PLCD3: variants seen among roughly 807,000 people sequenced by gnomAD.
The protein encoded by PLCD3 is 1-phosphatidylinositol 4,5-bisphosphate phosphodiesterase delta-3.
PLCD3 carries 62 observed loss-of-function variants against 82.8 expected under a neutral mutation model. The ratio of observed to expected loss-of-function variants is 0.75; its 90% CI spans 0.61 to 0.93. The LOEUF (loss-of-function observed/expected upper bound fraction) is 0.93, where lower values mean the gene tolerates loss of function less well. Among genes scored for constraint, PLCD3 ranks in the 40% least tolerant of loss-of-function variants. The pLI, the probability that PLCD3 is intolerant of heterozygous loss-of-function variation, is 0.00. For synonymous variants in PLCD3, 478 were observed against 471.8 expected (o/e 1.01, Z -0.17); for missense variants, 1,023 against 1,103.4 (o/e 0.93, Z 1.03).
chr17:45,114,326 G>A lies in PLCD3; in HGVS notation c.1752C>T (p.Arg584=), dbSNP rs372153931. 3.0e-4 allele frequency: 472 copies of A among 1,549,498 alleles called. 3 individuals carry two copies. The South Asian group carries it at 3.4e-3, about 11-fold the overall frequency. Reference sequence around the variant, plus strand: ...TCATCCGCAGCCCCAGCGGGTACACGCGGGTCAGCTGGCGGGCATTGTGCC... The same window carrying A: ...TCATCCGCAGCCCCAGCGGGTACACACGGGTCAGCTGGCGGGCATTGTGCC... ...FVRHNARQLT[R]VYPLGLRMNS... is the part of the protein sequence containing the mutation. Residue 584 remains arginine, a synonymous_variant, in exon 11 of 15, where the codon CGC becomes CGT. Transcript: ENST00000619929.
At chr17:45,123,958 C>CT (rs201906052) in intron 1 of PLCD3, among the ~76,000 whole-genome samples, 7 of 139,586 alleles carry the variant, frequency 5.0e-5, no homozygotes, top group South Asian at 2.3e-4. Context: ...CTCACCAGAC[C>CT]CCCCCCCCAA....
In PLCD3 at chr17:45,127,685, C is replaced by A. The variant is rs902491704; in HGVS notation, c.163+4563G>T. 2.6e-5 allele frequency among the ~76,000 whole-genome samples: 4 copies of A among 151,862 alleles called. No homozygotes were observed. The South Asian group carries it at 6.3e-4, about 24-fold the overall frequency. ...AGGGAGGGTGGGAGTTCTGTCCAGG[C>A]GTGTCCCGGAGGGGTGGCATGCAGG... On this transcript the variant is annotated intron_variant, in intron 1 of 14. Transcript: ENST00000619929.
At position 45,120,019 on chromosome 17, in the gene PLCD3, C is replaced by T. The variant is rs188252992; in HGVS notation, c.684+306G>A. Reference sequence around the variant, plus strand: ...AGGCTGGCTCCTGCCTGTGCCCCCACGTGCAAAAGGTGCCTTGCAGACTCA... The same window carrying T: ...AGGCTGGCTCCTGCCTGTGCCCCCATGTGCAAAAGGTGCCTTGCAGACTCA... On this transcript the variant is annotated intron_variant, in intron 4 of 14. Transcript: ENST00000619929. Among the ~76,000 whole-genome samples, 21 of 152,380 alleles carry T rather than the reference C, an allele frequency of 1.4e-4. No individual in the cohort carries two copies. In the East Asian group the frequency reaches 2.5e-3, roughly 18 times the overall value.
chr17:45,118,439 G>A lies in PLCD3; in HGVS notation c.967C>T (p.Pro323Ser). The A allele has an allele frequency of 6.2e-7, 1 of 1,614,034 alleles. No homozygotes were observed. Among genetic ancestry groups the A allele is most frequent in the Non-Finnish European group, 8.5e-7 (1 of 1,179,892 alleles). Residue 323 changes from proline to serine, a missense_variant, in exon 6 of 15, where the codon CCG (proline) becomes TCG (serine). Pro to Ser is a moderately conservative substitution (Grantham distance 74). Transcript: ENST00000619929. The surrounding 1 kb of genome is among the most constrained non-coding windows in gnomAD (Gnocchi z 4.1). ...LDGFMMYLLS[P>S]EGAALDNTHT... ...GTGTTGTCCAAGGCAGCCCCCTCCG[G>A]CGACAACAGGTACATCATGAAGCCA...
Position 45,112,550 on chromosome 17 carries a change from A to G in PLCD3, c.*66T>C. ...TACTCCCACCACCTGACTCCAGAGGAGGAGAGGGCTCTGCAGGGGATGTGG... is the reference window on the plus strand; with the variant it reads ...TACTCCCACCACCTGACTCCAGAGGGGGAGAGGGCTCTGCAGGGGATGTGG... On this transcript the variant is annotated 3_prime_UTR_variant, in exon 15 of 15. Transcript: ENST00000619929. 2 of 1,469,786 alleles carry G rather than the reference A, an allele frequency of 1.4e-6. No homozygotes were observed. Among genetic ancestry groups the G allele is most frequent in the Non-Finnish European group, 1.9e-6 (2 of 1,073,726 alleles). 91.0% of individuals were successfully genotyped at this position (1,469,786 alleles called of 1,614,324 possible).
rs2054222530 is a variant in PLCD3 at position 45,108,993 on chromosome 17, A to T, written c.*3623T>A. 1 of 152,602 alleles carries T rather than the reference A, an allele frequency of 6.6e-6. No homozygotes were observed. The highest frequency in any genetic ancestry group is 1.9e-4 in the East Asian group (1 of 5,198). The allele number at this position is 152,602 out of a possible 1,614,324, so 9.5% of individuals were successfully genotyped here. On this transcript the variant is annotated 3_prime_UTR_variant, in exon 15 of 15. Transcript: ENST00000619929. ...TGCTCAATACATCTCACTTGTTTCTAATAAAGAAAGCAGCTGAACAAAACC... is the reference window on the plus strand; with the variant it reads ...TGCTCAATACATCTCACTTGTTTCTTATAAAGAAAGCAGCTGAACAAAACC...
At position 45,132,465 on chromosome 17, in the gene PLCD3, C is replaced by T; in HGVS notation, c.-55G>A. 1.9e-6 allele frequency: 2 copies of T among 1,064,494 alleles called. No homozygotes were observed. The highest frequency in any genetic ancestry group is 2.3e-6 in the Non-Finnish European group (2 of 860,900). 65.9% of individuals were successfully genotyped at this position (1,064,494 alleles called of 1,614,324 possible). On this transcript the variant is annotated 5_prime_UTR_variant, in exon 1 of 15. Coordinates refer to ENST00000619929, the MANE Select transcript of PLCD3 (RefSeq NM_133373.5). This position sits in a 1 kb window ranked among gnomAD's most constrained non-coding sequence, Gnocchi z 4.6. The stretch of plus-strand genomic sequence containing the variant: ...GGGTCTGCACGCGGGGACAGGGCAG[C>T]GGGGCGCCGCTCTGGCCCGGCCCCG...
In PLCD3 at chr17:45,120,952, G is replaced by A. The variant is rs1262803919; in HGVS notation, c.504C>T (p.Thr168=). ...EEAQRWVRGL[T]KLRARLDAMS... ...TGGCGTCCAGGCGCGCGCGGAGCTTGGTCAGACCGCGCACCCAGCGCTGCG... is the reference window on the plus strand; with the variant it reads ...TGGCGTCCAGGCGCGCGCGGAGCTTAGTCAGACCGCGCACCCAGCGCTGCG... The change falls in exon 3 of 15, where the codon ACC becomes ACT. Residue 168 remains threonine, a synonymous_variant. Coordinates refer to ENST00000619929, the MANE Select transcript of PLCD3 (RefSeq NM_133373.5). The A allele has an allele frequency of 6.6e-7, 1 of 1,508,798 alleles. No homozygotes were observed. The highest frequency in any genetic ancestry group is 1.2e-5 in the South Asian group (1 of 80,536). The allele number at this position is 1,508,798 out of a possible 1,614,324, so 93.5% of individuals were successfully genotyped here.
chr17:45,123,958 C>CCCCG (rs200217154), intron 1 of PLCD3, among the ~76,000 whole-genome samples: 2,401 of 139,654 alleles, frequency 0.017, 96 homozygotes, highest in African/African-American at 0.059. Flanking sequence ...CTCACCAGAC[C>CCCCG]CCCCCCCCAA....
rs2054466287 is a variant in PLCD3 at position 45,132,139 on chromosome 17, C to T, written c.163+109G>A. 1 of 1,151,324 alleles carries T rather than the reference C, an allele frequency of 8.7e-7. No homozygotes were observed. The highest frequency in any genetic ancestry group is 1.1e-6 in the Non-Finnish European group (1 of 915,852). The allele number at this position is 1,151,324 out of a possible 1,614,324, so 71.3% of individuals were successfully genotyped here. Reference sequence around the variant, plus strand: ...GGCCCTCCGCCCCTAGCCATAGCCTCCCAGCCCCGTGCAGCCTGGGGAATC... The same window carrying T: ...GGCCCTCCGCCCCTAGCCATAGCCTTCCAGCCCCGTGCAGCCTGGGGAATC... On this transcript the variant is annotated intron_variant, in intron 1 of 14. Coordinates refer to ENST00000619929, the MANE Select transcript of PLCD3 (RefSeq NM_133373.5). The surrounding 1 kb of genome is among the most constrained non-coding windows in gnomAD (Gnocchi z 4.6).
intron 1 of PLCD3, among the ~76,000 whole-genome samples, chr17:45,126,106 C>T (rs1374942512): frequency 6.7e-6 from 1 of 149,886 alleles, no homozygotes; most frequent in Non-Finnish European, 1.5e-5. Flanking sequence ...TGCAGTAGCA[C>T]GAACTTGGCT....
In PLCD3 at chr17:45,112,551, G is replaced by A; in HGVS notation, c.*65C>T. On this transcript the variant is annotated 3_prime_UTR_variant, in exon 15 of 15. Transcript: ENST00000619929. Reference sequence around the variant, plus strand: ...ACTCCCACCACCTGACTCCAGAGGAGGAGAGGGCTCTGCAGGGGATGTGGA... The same window carrying A: ...ACTCCCACCACCTGACTCCAGAGGAAGAGAGGGCTCTGCAGGGGATGTGGA... 6.8e-7 allele frequency: 1 copy of A among 1,477,020 alleles called. No homozygotes were observed. Among genetic ancestry groups the A allele is most frequent in the East Asian group, 2.5e-5 (1 of 40,626 alleles). 91.5% of individuals were successfully genotyped at this position (1,477,020 alleles called of 1,614,324 possible). A position where few individuals can be genotyped will look rare whatever the true frequency, so the allele number is the denominator to read the frequency against.
rs1197515654 is a variant in PLCD3 at position 45,118,050 on chromosome 17, T to C, written c.1204A>G (p.Thr402Ala). Reference protein sequence around the residue: ...EPVIYHGHTLTSKILFRDVVQ... With the variant: ...EPVIYHGHTLASKILFRDVVQ... ...ACGTCCCGGAAGAGAATCTTGGAGG[T>C]GAGGGTATGGCCATGATAGATGACG... Residue 402 changes from threonine (T) to alanine (A), a missense_variant, in exon 7 of 15, where the codon ACC becomes GCC. Around this residue, in one of 3 missense-constraint regions of PLCD3, gnomAD observed 553 missense variants for 655.7 expected, o/e 0.84. Coordinates refer to ENST00000619929, the MANE Select transcript of PLCD3 (RefSeq NM_133373.5). This position sits in a 1 kb window ranked among gnomAD's most constrained non-coding sequence, Gnocchi z 4.1. 37 of 1,613,330 alleles carry C rather than the reference T, an allele frequency of 2.3e-5. No individual in the cohort carries two copies. Among genetic ancestry groups the C allele is most frequent in the Non-Finnish European group, 3.1e-5 (37 of 1,179,746 alleles).
At chr17:45,123,956 A>AT (rs1555610212) in intron 1 of PLCD3, among the ~76,000 whole-genome samples, 3 of 129,312 alleles carry the variant, frequency 2.3e-5, no homozygotes, top group Non-Finnish European at 3.3e-5. Flanking sequence ...GGCTCACCAG[A>AT]CCCCCCCCCC....
At chr17:45,120,227 T>G in intron 4 of PLCD3, 98 bp downstream of exon 4, 1 of 1,512,168 alleles carries the variant, frequency 6.6e-7, no homozygotes, top group Non-Finnish European at 9.0e-7. Flanking sequence ...AAGCTGCAGG[T>G]GGAGAGGGCA....
At chr17:45,115,590 G>A (rs1159172798) in intron 8 of PLCD3, 100 bp from the exon 9 acceptor site, 27 of 1,084,030 alleles carry the variant, frequency 2.5e-5, no homozygotes, top group Non-Finnish European at 3.6e-5. Flanking sequence ...GGGCTGGCTA[G>A]GGGTGGGAGG....
chr17:45,116,126 G>A (rs1016597098), intron 8 of PLCD3, among the ~76,000 whole-genome samples: 22 of 152,330 alleles, frequency 1.4e-4, no homozygotes, highest in African/African-American at 5.1e-4. Flanking sequence ...CAAGGAGCCC[G>A]ACAGGATAAA....
Position 45,111,380 on chromosome 17 carries a change from G to A in PLCD3, c.*1236C>T. 6.6e-6 allele frequency: 1 copy of A among 152,210 alleles called. No individual in the cohort carries two copies. Among genetic ancestry groups the A allele is most frequent in the Non-Finnish European group, 1.5e-5 (1 of 68,266 alleles). 9.4% of individuals were successfully genotyped at this position (152,210 alleles called of 1,614,324 possible). On this transcript the variant is annotated 3_prime_UTR_variant, in exon 15 of 15. Coordinates refer to ENST00000619929, the MANE Select transcript of PLCD3 (RefSeq NM_133373.5). ...CCCCTCTGTGTATGTGTGAGTGTGT[G>A]TGTGTGTGTGTGTGTGTGTGTGTTG...
chr17:45,114,594 C>T (rs1272056862), intron 10 of PLCD3, among the ~76,000 whole-genome samples: 1 of 152,062 alleles, frequency 6.6e-6, no homozygotes, highest in African/African-American at 2.4e-5. Context: ...ATTCCCAGCT[C>T]CTGACAAAGT....
Sources: allele counts gnomAD v4.1 joint callset (sites outside exome capture counted in the v4.1 genomes callset), GRCh38; gene constraint gnomAD v4.1.1; regional missense constraint gnomAD v4.1.1; non-coding constraint Gnocchi (gnomAD v3.1); transcripts MANE v1.5; gene names NCBI Gene and HGNC (gene_info 2026-07-23, HGNC 2026-07-21).